HEXB: variants seen among roughly 807,000 people sequenced by gnomAD.
HEXB encodes the protein hexosaminidase subunit beta.
A neutral mutation model predicts 71.2 loss-of-function variants in HEXB; 51 were observed. The observed-to-expected ratio is 0.72, with a 90% CI of 0.57 to 0.90. The LOEUF is 0.90. Ranked by LOEUF, HEXB falls within the 40% of genes least tolerant of loss-of-function variation. The pLI is 0.00. For missense variants in HEXB, 617 were observed against 677.0 expected (o/e 0.91, Z 0.98); for synonymous variants, 266 against 249.3 (o/e 1.07, Z -0.63).
upstream of HEXB, chr5:74,685,110 C>G (rs979257732): frequency 1.2e-6 from 1 of 829,576 alleles, no homozygotes; most frequent in Non-Finnish European, 1.7e-6. Context: ...AGGACGCTCC[C>G]GGGGCCTGGA....
chr5:74,673,781 T>A (rs1364839453), intron 1 of HEXB, among the ~76,000 whole-genome samples: 1 of 152,124 alleles, frequency 6.6e-6, no homozygotes, highest in Non-Finnish European at 1.5e-5. Flanking sequence ...AGCAGAGGCT[T>A]CTCCATCCGG....
chr5:74,704,416 T>C (rs1749333579), intron 5 of HEXB, among the ~76,000 whole-genome samples: 1 of 152,126 alleles, frequency 6.6e-6, no homozygotes, highest in Non-Finnish European at 1.5e-5. Flanking sequence ...ATAAATATTA[T>C]ATTGGTTATT....
intron 9 of HEXB, 46 bp from the exon 10 acceptor site, chr5:74,718,242 ATTG>A (rs754792041): frequency 6.8e-6 from 8 of 1,182,012 alleles, no homozygotes; most frequent in Non-Finnish European, 1.0e-5. Flanking sequence ...TTTTAAATAT[ATTG>A]TTAAGCTTAT....
chr5:74,696,351 C>G (rs1483884006), intron 3 of HEXB, among the ~76,000 whole-genome samples: 1 of 152,068 alleles, frequency 6.6e-6, no homozygotes, highest in African/African-American at 2.4e-5. Flanking sequence ...TATAAAAATT[C>G]TTTCTCATGA....
At chr5:74,699,419 T>C (rs573395354) in intron 5 of HEXB, among the ~76,000 whole-genome samples, 13 of 151,970 alleles carry the variant, frequency 8.6e-5, no homozygotes, top group Non-Finnish European at 1.3e-4. Flanking sequence ...GGATTACAGG[T>C]GCCCACCACC....
upstream of HEXB, among the ~76,000 whole-genome samples, chr5:74,684,891 G>T (rs1261310885): frequency 6.6e-6 from 1 of 152,050 alleles, no homozygotes; most frequent in Non-Finnish European, 1.5e-5. Flanking sequence ...TGGCCAGGCT[G>T]GTCTTGAACT....
chr5:74,658,414 G>C (rs1748258551), intron 1 of HEXB, among the ~76,000 whole-genome samples: 1 of 152,178 alleles, frequency 6.6e-6, no homozygotes, highest in African/African-American at 2.4e-5. Flanking sequence ...TGCTTTCTTT[G>C]TTTAGGGCAG....
At chr5:74,685,110 C>T (rs979257732), upstream of HEXB, 1 of 829,570 alleles carries the variant, frequency 1.2e-6, no homozygotes, top group Non-Finnish European at 1.7e-6. Context: ...AGGACGCTCC[C>T]GGGGCCTGGA....
chr5:74,709,470 C>G (rs991507158), intron 6 of HEXB, among the ~76,000 whole-genome samples: 1 of 152,056 alleles, frequency 6.6e-6, no homozygotes. Context: ...AATAGACACA[C>G]AAAAAACCCT....
chr5:74,656,624 A>C (rs1243506918), intron 1 of HEXB, among the ~76,000 whole-genome samples: 1 of 152,200 alleles, frequency 6.6e-6, no homozygotes, highest in Non-Finnish European at 1.5e-5. Flanking sequence ...TTTTGTTTTG[A>C]GATGGAGTCT....
chr5:74,696,666 T>G (rs1749119253), intron 3 of HEXB, 27 bp from the exon 4 acceptor site: 1 of 1,188,138 alleles, frequency 8.4e-7, no homozygotes, highest in South Asian at 1.2e-5. Context: ...ATTTATAAAT[T>G]AATGCAATAA....
rs745850871 is a variant in HEXB, at chr5:74,713,634, A to AG, written c.901+1dup. 1 of 1,610,554 alleles carries AG rather than the reference A, an allele frequency of 6.2e-7. No homozygotes were observed. Among genetic ancestry groups the AG allele is most frequent in the African/African-American group, 1.3e-5 (1 of 74,788 alleles). On this transcript the variant is annotated frameshift_variant and splice_region_variant, in exon 7 of 14. Coordinates refer to ENST00000261416, the MANE Select transcript of HEXB (RefSeq NM_000521.4). LOFTEE classifies it high-confidence loss of function. ...CTGGGCATACACTATCTTGGGGAAA[A>AG]GGTAAGGAGTTGTATTTTATTTCAT...
At chr5:74,707,817 T>G (rs1004626744) in intron 6 of HEXB, among the ~76,000 whole-genome samples, 30 of 39,396 alleles carry the variant, frequency 7.6e-4, no homozygotes, top group Non-Finnish European at 3.7e-4. Context: ...ATCTGATTGG[T>G]GTACCTGAAA....
chr5:74,670,160 T>C (rs2112100896), intron 1 of HEXB, among the ~76,000 whole-genome samples: 1 of 152,250 alleles, frequency 6.6e-6, no homozygotes, highest in East Asian at 1.9e-4. Context: ...TCACCTATTT[T>C]ACATATACCT....
chr5:74,654,175 G>A (rs568596391), intron 1 of HEXB, among the ~76,000 whole-genome samples: 1 of 151,258 alleles, frequency 6.6e-6, no homozygotes, highest in African/African-American at 2.4e-5. Flanking sequence ...TCTCTGGAAT[G>A]TGGCTCACTG....
intron 7 of HEXB, among the ~76,000 whole-genome samples, chr5:74,713,984 G>T (rs536724920): frequency 6.6e-6 from 1 of 152,290 alleles, no homozygotes; most frequent in East Asian, 1.9e-4. Flanking sequence ...GGGACTACAG[G>T]CGCCCGCCAC....
rs763177573 is a variant in HEXB, at chr5:74,721,276, TTTA to T, written c.*104_*106del. Reference sequence around the variant, plus strand: ...TAGACTGTTTTTTGAATAAAATATTTTTATTGATTGAACCTTTGACCCTCTATC... The same window carrying T: ...TAGACTGTTTTTTGAATAAAATATTTTTGATTGAACCTTTGACCCTCTATC... On this transcript the variant is annotated 3_prime_UTR_variant, in exon 14 of 14. Coordinates refer to ENST00000261416, the MANE Select transcript of HEXB (RefSeq NM_000521.4). 1 of 988,098 alleles carries T rather than the reference TTTA, an allele frequency of 1.0e-6. No homozygotes were observed. Among genetic ancestry groups the T allele is most frequent in the South Asian group, 1.3e-5 (1 of 75,128 alleles). The allele number at this position is 988,098 out of a possible 1,614,324, so 61.2% of individuals were successfully genotyped here. A position where few individuals can be genotyped will look rare whatever the true frequency, so the allele number is the denominator to read the frequency against.
intron 2 of HEXB, 83 bp downstream of exon 2, chr5:74,689,556 G>A: frequency 9.3e-7 from 1 of 1,071,000 alleles, no homozygotes; most frequent in Non-Finnish European, 1.5e-6. Context: ...TCCATGCTAG[G>A]AACCACTGAG....
intron 1 of HEXB, among the ~76,000 whole-genome samples, chr5:74,650,247 G>A (rs1748077369): frequency 6.6e-6 from 1 of 152,178 alleles, no homozygotes; most frequent in Non-Finnish European, 1.5e-5. Flanking sequence ...GCCAAACACA[G>A]TAAAACCTCA....
Sources: allele counts gnomAD v4.1 joint callset (sites outside exome capture counted in the v4.1 genomes callset), GRCh38; gene constraint gnomAD v4.1.1; transcripts MANE v1.5; gene names NCBI Gene and HGNC (gene_info 2026-07-23, HGNC 2026-07-21).